The following DENND6A variants were observed in gnomAD, a reference collection of about 807,000 sequenced individuals.
DENND6A encodes the protein protein DENND6A.
DENND6A carries 43 observed loss-of-function variants against 95.5 expected under a neutral mutation model. The ratio of observed to expected loss-of-function variants is 0.45; its 90% confidence interval spans 0.35 to 0.58. DENND6A has a LOEUF of 0.58. Ranked by LOEUF, DENND6A falls within the 20% of genes least tolerant of loss-of-function variation. The probability of loss-of-function intolerance (pLI) is 0.00; values close to 1 mark genes in which losing one functional copy is unlikely to be tolerated. For missense variants in DENND6A, 574 were observed against 736.0 expected, an observed-to-expected ratio of 0.78 and a Z score of 2.55; for synonymous variants, 257 against 260.4, an observed-to-expected ratio of 0.99 and a Z score of 0.13.
intron 12 of DENND6A, among the ~76,000 whole-genome samples, chr3:57,640,271 AAAAAAAAAAC>A (rs200380031): frequency 0.012 from 1,789 of 150,714 alleles, 37 homozygotes; most frequent in African/African-American, 0.041. Context: ...TCTGTCTCAA[AAAAAAAAAAC>A]AAAAAAAAAC....
At chr3:57,677,419 CTTTTTTT>C (rs71088101) in intron 1 of DENND6A, among the ~76,000 whole-genome samples, 3 of 68,746 alleles carry the variant, frequency 4.4e-5, no homozygotes, top group Admixed American at 2.2e-4. Context: ...CTTTGTTGTC[CTTTTTTT>C]TTTTTTTTTT....
intron 4 of DENND6A, among the ~76,000 whole-genome samples, chr3:57,665,396 A>C (rs936693650): frequency 1.3e-5 from 2 of 152,176 alleles, no homozygotes; most frequent in African/African-American, 4.8e-5. Flanking sequence ...CTCTTGGAGC[A>C]CTGTAGGGAG....
At position 57,672,488 on chromosome 3, in the gene DENND6A, T is replaced by C. The variant is rs777319169; in HGVS notation, c.238-50A>G. ...TTAAACATATTATAAACATTAGTTA[T>C]AAACATATTATAGGCCAGGCACGGT... is the stretch of plus-strand genomic sequence containing the variant. On this transcript the variant is annotated intron_variant, in intron 1 of 19. Coordinates refer to ENST00000311128, the MANE Select transcript of DENND6A (RefSeq NM_152678.3). 13 of 1,567,672 alleles carry C rather than the reference T, an allele frequency of 8.3e-6. No individual in the cohort carries two copies. The South Asian group carries it at 1.0e-4, about 12-fold the overall frequency.
chr3:57,637,125 C>G lies in DENND6A; in HGVS notation c.1133-2356G>C, dbSNP rs139253955. On this transcript the variant is annotated intron_variant, in intron 12 of 19. Transcript: ENST00000311128. ...GGTCCAAGAATACTGCACAAATTAT[C>G]ACATTTAATCTTCACAATAAGAGTT... Among the ~76,000 whole-genome samples, 429 of 152,196 alleles carry G rather than the reference C, an allele frequency of 2.8e-3. 2 individuals carry two copies. Among genetic ancestry groups the G allele is most frequent in the African/African-American group, 9.9e-3 (409 of 41,522 alleles).
chr3:57,642,174 C>G (rs1455779048), intron 11 of DENND6A, among the ~76,000 whole-genome samples: 3 of 151,742 alleles, frequency 2.0e-5, no homozygotes, highest in Non-Finnish European at 4.4e-5. Context: ...ATTAGCTGGG[C>G]GTACTGGTGG....
rs765062793 is a variant in DENND6A, at chr3:57,630,554, T to C, written c.1518-31A>G. The stretch of plus-strand genomic sequence containing the variant: ...AAAATACATTTTAAAAAAGTAAAGT[T>C]TGATTATAACTTATTTCCTTTCCTC... On this transcript the variant is annotated intron_variant, in intron 17 of 19. Transcript: ENST00000311128. The C allele has an allele frequency of 5.7e-6, 9 of 1,568,332 alleles. No homozygotes were observed. The African/African-American group carries it at 1.1e-4, about 19-fold the overall frequency.
rs927435130 is a variant in DENND6A at position 57,692,837 on chromosome 3, C to G, written c.182G>C (p.Trp61Ser). 1.9e-6 allele frequency: 3 copies of G among 1,583,964 alleles called. No homozygotes were observed. Among genetic ancestry groups the G allele is most frequent in the Admixed American group, 1.8e-5 (1 of 57,020 alleles). The change falls in exon 1 of 20, where the codon TGG (tryptophan) becomes TCG (serine). Residue 61 changes from tryptophan (W) to serine (S), a missense_variant. Physicochemically the swap from Trp to Ser is radical, Grantham distance 177 (BLOSUM62 -3). Transcript: ENST00000311128. Reference sequence around the variant, plus strand: ...GCCCACCACACACACGCAGTGCAGCCAGGCGGAGAAGCTGTCCCAGCGCAG... The same window carrying G: ...GCCCACCACACACACGCAGTGCAGCGAGGCGGAGAAGCTGTCCCAGCGCAG... ...GLLRWDSFSA[W>S]LHCVCVVGFD...
At chr3:57,687,538 C>T (rs572521354) in intron 1 of DENND6A, among the ~76,000 whole-genome samples, 2 of 152,150 alleles carry the variant, frequency 1.3e-5, no homozygotes, top group Non-Finnish European at 1.5e-5. Context: ...CACTAAATAA[C>T]GGATTTTCAT....
chr3:57,642,420 G>A (rs2070966101), intron 11 of DENND6A, among the ~76,000 whole-genome samples: 1 of 151,946 alleles, frequency 6.6e-6, no homozygotes, highest in African/African-American at 2.4e-5. Context: ...AGGAAGACGT[G>A]AAAGATGAGT....
intron 9 of DENND6A, among the ~76,000 whole-genome samples, chr3:57,651,816 A>G (rs2153414630): frequency 6.6e-6 from 1 of 152,358 alleles, no homozygotes; most frequent in South Asian, 2.1e-4. Context: ...CTAAACTGGG[A>G]CAATTTGAAT....
intron 12 of DENND6A, among the ~76,000 whole-genome samples, chr3:57,636,239 A>G (rs2070789072): frequency 6.6e-6 from 1 of 152,220 alleles, no homozygotes; most frequent in Non-Finnish European, 1.5e-5. Flanking sequence ...TTTGCAGAGA[A>G]GCTGCCAAGT....
intron 9 of DENND6A, among the ~76,000 whole-genome samples, chr3:57,649,625 T>C (rs890868287): frequency 3.8e-5 from 4 of 105,830 alleles, no homozygotes; most frequent in African/African-American, 1.4e-4. Flanking sequence ...CATCAATCAA[T>C]GAGTGAAAAA....
chr3:57,637,630 G>A (rs1242978752), intron 12 of DENND6A, among the ~76,000 whole-genome samples: 3 of 151,538 alleles, frequency 2.0e-5, no homozygotes, highest in African/African-American at 7.3e-5. Context: ...ATTTGCAGTG[G>A]GCCTGGGTGT....
At chr3:57,661,593 C>A in intron 5 of DENND6A, 42 bp from the exon 6 acceptor site, 2 of 1,462,818 alleles carry the variant, frequency 1.4e-6, no homozygotes, top group South Asian at 1.3e-5. Context: ...ATTGCTTTGT[C>A]ATTCATTTCT....
intron 1 of DENND6A, among the ~76,000 whole-genome samples, chr3:57,676,377 A>T (rs1355210183): frequency 7.2e-6 from 1 of 139,498 alleles, no homozygotes; most frequent in African/African-American, 2.9e-5. Flanking sequence ...AGATTATTTA[A>T]AAAAAAAAAA....
At chr3:57,665,906 A>G in intron 4 of DENND6A, 1 of 428,342 alleles carries the variant, frequency 2.3e-6, no homozygotes, top group South Asian at 4.5e-5. Flanking sequence ...ATTTTTATAA[A>G]TCACAGTGAC....
intron 11 of DENND6A, among the ~76,000 whole-genome samples, chr3:57,645,292 C>T (rs924817199): frequency 6.6e-6 from 1 of 151,880 alleles, no homozygotes; most frequent in Non-Finnish European, 1.5e-5. Flanking sequence ...GAAACCCTGT[C>T]TCTACTAAAA....
Position 57,630,791 on chromosome 3 carries a change from C to A in DENND6A, c.1441G>T (p.Glu481Ter). 6.2e-7 allele frequency: 1 copy of A among 1,613,996 alleles called. No individual in the cohort carries two copies. The highest frequency in any genetic ancestry group is 8.5e-7 in the Non-Finnish European group (1 of 1,179,978). ...GTTTTCTCAAGTGTTTTCATAAATT[C>A]TTCTGGAAGAAACTGTCTTAATTGA... is the stretch of plus-strand genomic sequence containing the variant. ...PPQLRQFLPE[E>*]FMKTLEKTGP... The change falls in exon 17 of 20, where the codon GAA (glutamate) becomes TAA (stop). Residue 481 changes from glutamate to a stop codon, truncating the protein, a stop_gained. Transcript: ENST00000311128. LOFTEE classifies it high-confidence loss of function.
At chr3:57,676,603 A>T (rs978307111) in intron 1 of DENND6A, among the ~76,000 whole-genome samples, 2 of 152,074 alleles carry the variant, frequency 1.3e-5, no homozygotes, top group African/African-American at 2.4e-5. Flanking sequence ...AAATCAATAT[A>T]TCATGGATAC....
Sources: gnomAD v4.1 joint callset for allele counts (sites outside exome capture counted in the v4.1 genomes callset) on GRCh38, gnomAD v4.1.1 for gene constraint, MANE v1.5 for transcripts, NCBI Gene and HGNC (gene_info 2026-07-23, HGNC 2026-07-21) for gene names.